NEDD4L: variants seen among roughly 807,000 people sequenced by gnomAD.
The protein encoded by NEDD4L is E3 ubiquitin-protein ligase NEDD4-like.
NEDD4L carries 54 observed loss-of-function variants against 148.9 expected under a neutral mutation model. The observed-to-expected ratio is 0.36, with a 90% CI of 0.29 to 0.45. NEDD4L has a LOEUF of 0.45. Among genes scored for constraint, NEDD4L ranks in the 20% least tolerant of loss-of-function variants. NEDD4L has a pLI of 1.00. For synonymous variants in NEDD4L, 433 were observed against 440.7 expected, an observed-to-expected ratio of 0.98 and a Z score of 0.22; for missense variants, 856 against 1,233.8, an observed-to-expected ratio of 0.69 and a Z score of 4.59.
chr18:58,309,123 A>C (rs893193327), intron 5 of NEDD4L, among the ~76,000 whole-genome samples: 3 of 151,956 alleles, frequency 2.0e-5, no homozygotes, highest in Non-Finnish European at 4.4e-5. Context: ...GCCCTGGGAG[A>C]CTGTCGTCTT....
intron 1 of NEDD4L, among the ~76,000 whole-genome samples, chr18:58,141,177 G>A (rs1437241460): frequency 6.6e-6 from 1 of 152,200 alleles, no homozygotes. Context: ...CCATCAGCAG[G>A]GTTGGAGAGC....
At chr18:58,097,488 C>T (rs2084487831) in intron 1 of NEDD4L, among the ~76,000 whole-genome samples, 1 of 152,176 alleles carries the variant, frequency 6.6e-6, no homozygotes, top group Non-Finnish European at 1.5e-5. Flanking sequence ...AGGATCAGAG[C>T]CCCCCACGTT....
intron 4 of NEDD4L, among the ~76,000 whole-genome samples, chr18:58,251,669 T>C (rs1212436413): frequency 6.6e-6 from 1 of 152,220 alleles, no homozygotes; most frequent in Non-Finnish European, 1.5e-5. Context: ...TCCTCAGGCA[T>C]AGACATTTTT....
intron 24 of NEDD4L, among the ~76,000 whole-genome samples, chr18:58,375,868 G>A (rs1235464264): frequency 6.6e-6 from 1 of 152,130 alleles, no homozygotes; most frequent in Admixed American, 6.5e-5. Context: ...AAGTCTTGGT[G>A]GCTTTTTTTA....
chr18:58,047,210 T>TA, intron 1 of NEDD4L: 1 of 983,522 alleles, frequency 1.0e-6, no homozygotes, highest in South Asian at 4.7e-5. Flanking sequence ...TGCTGCAGAA[T>TA]ATCACATATG....
intron 16 of NEDD4L, among the ~76,000 whole-genome samples, chr18:58,345,751 T>C (rs1041641332): frequency 6.6e-6 from 1 of 152,104 alleles, no homozygotes; most frequent in Non-Finnish European, 1.5e-5. Context: ...ATTATTATTT[T>C]TTTTGTTTTT....
chr18:58,366,234 T>C lies in NEDD4L; in HGVS notation c.2063+6T>C, dbSNP rs751818108. On this transcript the variant is annotated splice_donor_region_variant and intron_variant, in intron 21 of 30. Coordinates refer to ENST00000400345, the MANE Select transcript of NEDD4L (RefSeq NM_001144967.3). This position sits in a 1 kb window ranked among gnomAD's most constrained non-coding sequence, Gnocchi z 4.2. ...CTCTTTGAGTACTCTGCCACGTAAG[T>C]ATATGGCCACACCCAGTGTGTGTCC... The C allele has an allele frequency of 8.6e-5, 135 of 1,575,724 alleles. No homozygotes were observed. Among genetic ancestry groups the C allele is most frequent in the Non-Finnish European group, 1.1e-4 (124 of 1,154,506 alleles).
At chr18:58,184,895 T>C (rs1198632360) in intron 2 of NEDD4L, among the ~76,000 whole-genome samples, 4 of 151,140 alleles carry the variant, frequency 2.6e-5, no homozygotes, top group Non-Finnish European at 5.9e-5. Flanking sequence ...ACCACTGCAC[T>C]CCAGCCTGGG....
chr18:58,120,365 G>A (rs964002082), intron 1 of NEDD4L, among the ~76,000 whole-genome samples: 3 of 152,176 alleles, frequency 2.0e-5, no homozygotes, highest in East Asian at 3.8e-4. Context: ...CTCCCTCTAC[G>A]ATGAGGTTAA....
chr18:58,196,626 G>GA (rs1414142534), intron 2 of NEDD4L, among the ~76,000 whole-genome samples: 1 of 147,672 alleles, frequency 6.8e-6, no homozygotes, highest in Non-Finnish European at 1.5e-5. Context: ...CATTAAAAAA[G>GA]ATGTAGAAAT....
chr18:58,254,480 T>C (rs2048275476), intron 5 of NEDD4L, among the ~76,000 whole-genome samples: 1 of 151,520 alleles, frequency 6.6e-6, no homozygotes, highest in Non-Finnish European at 1.5e-5. Flanking sequence ...CCAACTGTGG[T>C]AATATTGCTG....
chr18:58,383,369 G>A lies in NEDD4L; in HGVS notation c.2426+50G>A, dbSNP rs1365280277. 3.9e-6 allele frequency: 4 copies of A among 1,034,928 alleles called. No homozygotes were observed. In the African/African-American group the frequency reaches 4.8e-5, roughly 12 times the overall value. The allele number at this position is 1,034,928 out of a possible 1,614,324, so 64.1% of individuals were successfully genotyped here. Reference sequence around the variant, plus strand: ...TTTTCTTTGAATAATTGAAATGCATGTTTGGTCACTGTCCCTTGCTGAAAC... The same window carrying A: ...TTTTCTTTGAATAATTGAAATGCATATTTGGTCACTGTCCCTTGCTGAAAC... On this transcript the variant is annotated intron_variant, in intron 25 of 30. Transcript: ENST00000400345.
At chr18:58,255,684 A>G (rs1350111772) in intron 5 of NEDD4L, 24 of 1,232,242 alleles carry the variant, frequency 1.9e-5, no homozygotes, top group Non-Finnish European at 2.3e-5. Context: ...GGTCGCAGCA[A>G]CACAGCCCCC....
chr18:58,292,595 T>C (rs2054929775), intron 5 of NEDD4L, among the ~76,000 whole-genome samples: 1 of 152,250 alleles, frequency 6.6e-6, no homozygotes, highest in South Asian at 2.1e-4. Flanking sequence ...ATGCTTATCT[T>C]GTATTTATAG....
At chr18:58,137,197 C>T (rs2146065582) in intron 1 of NEDD4L, among the ~76,000 whole-genome samples, 1 of 152,294 alleles carries the variant, frequency 6.6e-6, no homozygotes, top group Non-Finnish European at 1.5e-5. Context: ...TTCTGGTTAT[C>T]TTGTGAGAGA....
At chr18:58,313,223 C>T (rs986399173) in intron 5 of NEDD4L, among the ~76,000 whole-genome samples, 15 of 152,138 alleles carry the variant, frequency 9.9e-5, no homozygotes, top group South Asian at 4.2e-4. Flanking sequence ...AAGAGCCTTC[C>T]GTTTCCTTTA....
chr18:58,378,511 C>T (rs1345494636), intron 24 of NEDD4L, among the ~76,000 whole-genome samples: 3 of 152,184 alleles, frequency 2.0e-5, no homozygotes, highest in Non-Finnish European at 4.4e-5. Context: ...CCCTTCAGGC[C>T]AGTCAGGGAC....
intron 6 of NEDD4L, among the ~76,000 whole-genome samples, chr18:58,317,877 A>G (rs763943424): frequency 1.3e-5 from 2 of 152,168 alleles, no homozygotes; most frequent in Non-Finnish European, 2.9e-5. Flanking sequence ...CATACTTCAA[A>G]CTGACTAGCT....
chr18:58,364,523 A>C (rs2045880345), intron 20 of NEDD4L, among the ~76,000 whole-genome samples, 190 bp downstream of exon 20: 1 of 152,198 alleles, frequency 6.6e-6, no homozygotes, highest in Non-Finnish European at 1.5e-5. Context: ...GGTAAGTGAA[A>C]ATTAACTCAG....
Sources: gnomAD v4.1 joint callset for allele counts (sites outside exome capture counted in the v4.1 genomes callset) on GRCh38, gnomAD v4.1.1 for gene constraint, Gnocchi (gnomAD v3.1) non-coding constraint, MANE v1.5 for transcripts, NCBI Gene and HGNC (gene_info 2026-07-23, HGNC 2026-07-21) for gene names.